The following COL5A1 variants were observed in gnomAD, a reference collection of about 807,000 sequenced individuals.
The protein encoded by COL5A1 is collagen alpha-1(V) chain.
A neutral mutation model predicts 263.7 loss-of-function variants in COL5A1; 16 were observed. The ratio of observed to expected loss-of-function variants is 0.06; its 90% CI spans 0.04 to 0.09. The LOEUF (loss-of-function observed/expected upper bound fraction) is 0.09. Ranked by LOEUF, COL5A1 falls within the 10% of genes least tolerant of loss-of-function variation. COL5A1 has a pLI of 1.00. For synonymous variants in COL5A1, 1,012 were observed against 1,004.5 expected (o/e 1.01, Z -0.14); for missense variants, 2,036 against 2,540.5 (o/e 0.80, Z 4.27).
chr9:134,734,207 C>T (rs1451594498), intron 9 of COL5A1, among the ~76,000 whole-genome samples: 6 of 152,234 alleles, frequency 3.9e-5, no homozygotes, highest in South Asian at 4.2e-4. Context: ...GGCCGAGAGT[C>T]GAGGTGGCCC....
chr9:134,828,354 G>A (rs978312614), intron 63 of COL5A1, among the ~76,000 whole-genome samples: 3 of 152,108 alleles, frequency 2.0e-5, no homozygotes, highest in African/African-American at 4.8e-5. Flanking sequence ...CCATGGCAGC[G>A]TGAGCTGGCT....
chr9:134,829,858 C>A (rs1287651492), intron 63 of COL5A1, 118 bp from the exon 64 acceptor site: 25 of 1,155,984 alleles, frequency 2.2e-5, no homozygotes, highest in Middle Eastern at 2.8e-4. Flanking sequence ...CTGCAGCCCC[C>A]CCGGCGTGAG....
At chr9:134,763,505 G>T (rs554757228) in intron 19 of COL5A1, among the ~76,000 whole-genome samples, 188 bp from the exon 20 acceptor site, 1 of 152,368 alleles carries the variant, frequency 6.6e-6, no homozygotes, top group South Asian at 2.1e-4. Flanking sequence ...TTCACCTGCA[G>T]TGTCTGCACA....
chr9:134,843,365 CTCTT>C lies in COL5A1; in HGVS notation c.*1063_*1066del, dbSNP rs1175530082. 2 of 139,588 alleles carry C rather than the reference CTCTT, an allele frequency of 1.4e-5. No individual in the cohort carries two copies. The highest frequency in any genetic ancestry group is 3.1e-5 in the Non-Finnish European group (2 of 63,966). The allele number at this position is 139,588 out of a possible 1,614,324, so 8.6% of individuals were successfully genotyped here. Reference sequence around the variant, plus strand: ...ATTGGTGCTTATTTTTTACACTTCTCTCTTGTGGCTCTCTTGTGGTGCTATCTAT... The same window carrying C: ...ATTGGTGCTTATTTTTTACACTTCTCGTGGCTCTCTTGTGGTGCTATCTAT... On this transcript the variant is annotated 3_prime_UTR_variant, in exon 66 of 66. Transcript: ENST00000371817.
chr9:134,722,823 GGAGAAAGAGGGA>G (rs753184945), intron 4 of COL5A1, among the ~76,000 whole-genome samples: 22 of 152,186 alleles, frequency 1.4e-4, no homozygotes, highest in Non-Finnish European at 3.1e-4. Context: ...AGAGAGAGAA[GGAGAAAGAGGGA>G]GAGGGAGGTG....
chr9:134,806,944 G>A (rs192324917), intron 42 of COL5A1, among the ~76,000 whole-genome samples: 16 of 152,308 alleles, frequency 1.1e-4, no homozygotes, highest in Middle Eastern at 6.8e-3. Context: ...CCTCGGGAGT[G>A]GGGAGGAGCA....
At chr9:134,724,797 C>T (rs1834587529) in intron 4 of COL5A1, among the ~76,000 whole-genome samples, 1 of 152,096 alleles carries the variant, frequency 6.6e-6, no homozygotes, top group Non-Finnish European at 1.5e-5. Flanking sequence ...TCCTCCTGGC[C>T]CAGAGAGGGG....
At chr9:134,834,278 TGA>T (rs1839765982) in intron 64 of COL5A1, among the ~76,000 whole-genome samples, 1 of 152,116 alleles carries the variant, frequency 6.6e-6, no homozygotes, top group South Asian at 2.1e-4. Context: ...GTTTCAGGAA[TGA>T]GAGGCAGGTC....
chr9:134,690,745 C>T (rs1014908964), intron 1 of COL5A1, among the ~76,000 whole-genome samples, 167 bp from the exon 2 acceptor site: 1 of 152,208 alleles, frequency 6.6e-6, no homozygotes, highest in African/African-American at 2.4e-5. Context: ...CAGCGTGGTG[C>T]CCTGCCTCGC....
intron 32 of COL5A1, among the ~76,000 whole-genome samples, chr9:134,791,970 C>T (rs1347644176): frequency 6.6e-6 from 1 of 152,188 alleles, no homozygotes; most frequent in Admixed American, 6.5e-5. Context: ...AGGTCATAGG[C>T]ACCAGGGTCT....
chr9:134,760,116 GCC>G (rs1836271543), intron 18 of COL5A1, among the ~76,000 whole-genome samples: 1 of 41,178 alleles, frequency 2.4e-5, no homozygotes. Flanking sequence ...ACTCATACAC[GCC>G]CACACACCCC....
chr9:134,741,958 G>T lies in COL5A1; in HGVS notation c.1494+3150G>T, dbSNP rs536125090. On this transcript the variant is annotated intron_variant, in intron 11 of 65. Transcript: ENST00000371817. This position sits in a 1 kb window ranked among gnomAD's most constrained non-coding sequence, Gnocchi z 4.5. ...TCCTCAAGACAGGCCTCACTTCTGT[G>T]CCCTTCCTCACACCCTGCTCCCTGT... Among the ~76,000 whole-genome samples, 1 of 151,966 alleles carries T rather than the reference G, an allele frequency of 6.6e-6. No homozygotes were observed. The highest frequency in any genetic ancestry group is 1.5e-5 in the Non-Finnish European group (1 of 67,998).
At chr9:134,756,953 G>C in intron 17 of COL5A1, 135 bp downstream of exon 17, 1 of 860,912 alleles carries the variant, frequency 1.2e-6, no homozygotes, top group Admixed American at 1.9e-5. Context: ...GGCATTTGAC[G>C]TGAAGATAGG....
At chr9:134,706,153 G>A (rs752769373) in intron 4 of COL5A1, among the ~76,000 whole-genome samples, 1 of 152,190 alleles carries the variant, frequency 6.6e-6, no homozygotes, top group Non-Finnish European at 1.5e-5. Context: ...CGAGTATGCC[G>A]GAGCTGCCTG....
chr9:134,666,217 C>T (rs778759945), intron 1 of COL5A1, among the ~76,000 whole-genome samples: 1 of 152,226 alleles, frequency 6.6e-6, no homozygotes, highest in Non-Finnish European at 1.5e-5. Context: ...TGTAGATGCT[C>T]AGAACTGAAA....
intron 11 of COL5A1, among the ~76,000 whole-genome samples, chr9:134,739,813 G>A (rs1399494609): frequency 6.6e-6 from 1 of 152,174 alleles, no homozygotes; most frequent in Non-Finnish European, 1.5e-5. Context: ...GCAGCAGGAT[G>A]CAGGGGCAGG....
intron 31 of COL5A1, among the ~76,000 whole-genome samples, chr9:134,788,209 A>G (rs1193682547): frequency 7.0e-6 from 1 of 143,418 alleles, no homozygotes; most frequent in Non-Finnish European, 1.5e-5. Flanking sequence ...CAAATCGATG[A>G]ATGGGTAGGT....
At chr9:134,814,957 A>G in intron 50 of COL5A1, 53 bp downstream of exon 50, 1 of 1,281,412 alleles carries the variant, frequency 7.8e-7, no homozygotes, top group Non-Finnish European at 1.1e-6. Context: ...GGGGCTCTGC[A>G]CTGGGATCAT....
chr9:134,642,339 G>A lies in COL5A1; in HGVS notation c.109+43G>A. The A allele has an allele frequency of 3.8e-6, 2 of 520,052 alleles. No homozygotes were observed. Among genetic ancestry groups the A allele is most frequent in the East Asian group, 5.6e-5 (1 of 17,714 alleles). 32.2% of individuals were successfully genotyped at this position (520,052 alleles called of 1,614,324 possible). The stretch of plus-strand genomic sequence containing the variant: ...CGCGGGGCTGCGGGATGGGGCGCGC[G>A]CAGCCCGGGCGCCGCTGTCATCCCC... On this transcript the variant is annotated intron_variant, in intron 1 of 65. Coordinates refer to ENST00000371817, the MANE Select transcript of COL5A1 (RefSeq NM_000093.5). The surrounding 1 kb of genome is among the most constrained non-coding windows in gnomAD (Gnocchi z 4.5).
Sources: allele counts gnomAD v4.1 joint callset (sites outside exome capture counted in the v4.1 genomes callset), GRCh38; gene constraint gnomAD v4.1.1; non-coding constraint Gnocchi (gnomAD v3.1); transcripts MANE v1.5; gene names NCBI Gene and HGNC (gene_info 2026-07-23, HGNC 2026-07-21).